Variants in MAGI1 observed in about 807,000 individuals in gnomAD.
MAGI1 encodes membrane-associated guanylate kinase, WW and PDZ domain-containing protein 1.
Under a neutral mutation model 139.9 loss-of-function variants are expected in MAGI1, and 58 were observed. That is an observed-to-expected ratio of 0.41 (90% CI 0.34 to 0.52). MAGI1 has a LOEUF of 0.52. Among genes scored for constraint, MAGI1 ranks in the 20% least tolerant of loss-of-function variants. The pLI, the probability that MAGI1 is intolerant of heterozygous loss-of-function variation, is 0.12. For synonymous variants in MAGI1, 812 were observed against 737.9 expected, an observed-to-expected ratio of 1.10 and a Z score of -1.63; for missense variants, 1,874 against 1,901.6, an observed-to-expected ratio of 0.99 and a Z score of 0.27.
At chr3:65,497,070 A>G (rs56841534) in intron 2 of MAGI1, among the ~76,000 whole-genome samples, 51,855 of 151,962 alleles carry the variant, frequency 0.34, 9,743 homozygotes, top group East Asian at 0.74. Flanking sequence ...TGAAATGCCT[A>G]ACAGACACCT....
intron 2 of MAGI1, among the ~76,000 whole-genome samples, chr3:65,499,421 GGCCA>G (rs2076998769): frequency 6.6e-6 from 1 of 152,134 alleles, no homozygotes; most frequent in East Asian, 1.9e-4. Context: ...AGGCCGAGGT[GGCCA>G]GATCACGAGG....
chr3:65,381,534 C>T (rs1253690104), intron 16 of MAGI1, among the ~76,000 whole-genome samples: 2 of 152,128 alleles, frequency 1.3e-5, no homozygotes, highest in East Asian at 3.9e-4. Context: ...GAAGCTACAA[C>T]TCTTCTGACT....
At chr3:65,799,819 C>A (rs551672243) in intron 1 of MAGI1, among the ~76,000 whole-genome samples, 144 of 152,194 alleles carry the variant, frequency 9.5e-4, no homozygotes, top group Middle Eastern at 3.4e-3. Flanking sequence ...TTTGAAAACT[C>A]TGTAGTGTAT....
chr3:65,911,894 C>G (rs2061684069), intron 1 of MAGI1, among the ~76,000 whole-genome samples: 1 of 152,084 alleles, frequency 6.6e-6, no homozygotes, highest in Non-Finnish European at 1.5e-5. Context: ...CATTTCATTC[C>G]TCATTATAGG....
chr3:65,487,008 C>T (rs907691128), intron 3 of MAGI1, among the ~76,000 whole-genome samples: 9 of 152,236 alleles, frequency 5.9e-5, no homozygotes, highest in African/African-American at 1.9e-4. Flanking sequence ...CAGCTTTTCA[C>T]ATAAATATCT....
At chr3:65,742,584 T>C (rs2035365737) in intron 1 of MAGI1, among the ~76,000 whole-genome samples, 1 of 152,204 alleles carries the variant, frequency 6.6e-6, no homozygotes, top group African/African-American at 2.4e-5. Context: ...AAGGAGATAT[T>C]GTGTGTGAGT....
At chr3:65,881,061 T>C (rs1425691224) in intron 1 of MAGI1, among the ~76,000 whole-genome samples, 2 of 152,032 alleles carry the variant, frequency 1.3e-5, no homozygotes, top group Non-Finnish European at 2.9e-5. Context: ...AATTTTAGTA[T>C]TTTTTGTAGA....
At chr3:65,921,169 C>T (rs2062161877) in intron 1 of MAGI1, among the ~76,000 whole-genome samples, 2 of 152,208 alleles carry the variant, frequency 1.3e-5, no homozygotes, top group Admixed American at 6.5e-5. Context: ...TTTTAACCCA[C>T]TGCAGAATTA....
At chr3:65,920,099 T>C (rs899692823) in intron 1 of MAGI1, among the ~76,000 whole-genome samples, 16 of 152,166 alleles carry the variant, frequency 1.1e-4, no homozygotes, top group Non-Finnish European at 2.9e-5. Flanking sequence ...GCCACACTTA[T>C]TTTAGGGAGT....
intron 1 of MAGI1, among the ~76,000 whole-genome samples, chr3:65,981,920 A>C (rs1447014137): frequency 6.6e-6 from 1 of 152,172 alleles, no homozygotes; most frequent in Non-Finnish European, 1.5e-5. Flanking sequence ...CAGTGTGAGA[A>C]CAGACTAATA....
At chr3:65,524,142 G>C (rs2078281445) in intron 2 of MAGI1, among the ~76,000 whole-genome samples, 1 of 152,116 alleles carries the variant, frequency 6.6e-6, no homozygotes, top group Admixed American at 6.6e-5. Flanking sequence ...TTGGTCTTTG[G>C]GAAAGTTTTG....
chr3:65,585,641 T>C (rs903489993), intron 2 of MAGI1, among the ~76,000 whole-genome samples: 1 of 152,160 alleles, frequency 6.6e-6, no homozygotes, highest in African/African-American at 2.4e-5. Context: ...ATATGTGCCA[T>C]ACTACACAGA....
intron 1 of MAGI1, among the ~76,000 whole-genome samples, chr3:65,748,694 A>G (rs911092173): frequency 6.6e-6 from 1 of 152,184 alleles, no homozygotes; most frequent in African/African-American, 2.4e-5. Context: ...CCACATTTAT[A>G]CAGCTTGACA....
intron 7 of MAGI1, among the ~76,000 whole-genome samples, chr3:65,444,856 A>G (rs145116778): frequency 9.8e-5 from 15 of 152,296 alleles, no homozygotes; most frequent in African/African-American, 3.6e-4. Context: ...CAAACTCCAG[A>G]AATTGAAAAG....
chr3:65,506,369 C>G (rs2077289601), intron 2 of MAGI1, among the ~76,000 whole-genome samples: 1 of 152,174 alleles, frequency 6.6e-6, no homozygotes, highest in South Asian at 2.1e-4. Flanking sequence ...ATACTCTGTG[C>G]TTCTAAAGGG....
At chr3:65,570,144 C>T (rs936788238) in intron 2 of MAGI1, among the ~76,000 whole-genome samples, 5 of 149,076 alleles carry the variant, frequency 3.4e-5, no homozygotes, top group Admixed American at 1.3e-4. Flanking sequence ...ACTCGGTTGC[C>T]AAGGCTGAAG....
chr3:65,597,508 C>A (rs1028964092), intron 2 of MAGI1, among the ~76,000 whole-genome samples: 1 of 151,888 alleles, frequency 6.6e-6, no homozygotes, highest in Non-Finnish European at 1.5e-5. Context: ...TTTTCTCCCC[C>A]CTCCCCCTTC....
At chr3:65,594,869 C>T (rs890100638) in intron 2 of MAGI1, among the ~76,000 whole-genome samples, 2 of 152,086 alleles carry the variant, frequency 1.3e-5, no homozygotes, top group East Asian at 1.9e-4. Context: ...ACCCTTTTAC[C>T]TTCAGTGCTC....
chr3:65,455,268 A>G (rs548881293), intron 5 of MAGI1, among the ~76,000 whole-genome samples: 29 of 152,198 alleles, frequency 1.9e-4, no homozygotes, highest in Non-Finnish European at 3.1e-4. Flanking sequence ...CACAGTCAAC[A>G]TACAAAACAT....
Sources: gnomAD v4.1 joint callset for allele counts (sites outside exome capture counted in the v4.1 genomes callset) on GRCh38, gnomAD v4.1.1 for gene constraint, MANE v1.5 for transcripts, NCBI Gene and HGNC (gene_info 2026-07-23, HGNC 2026-07-21) for gene names.